Variants in TSHZ2 observed in about 807,000 individuals in gnomAD.
The protein encoded by TSHZ2 is teashirt homolog 2.
In TSHZ2, 21 loss-of-function variants were observed where a neutral mutation model predicts 74.4. The observed-to-expected ratio is 0.28, with a 90% CI of 0.20 to 0.41. TSHZ2 has a LOEUF of 0.41. Ranked by LOEUF, TSHZ2 falls within the 10% of genes least tolerant of loss-of-function variation. The pLI is 1.00. For synonymous variants in TSHZ2, 540 were observed against 515.3 expected (o/e 1.05, Z -0.65); for missense variants, 1,244 against 1,293.5 (o/e 0.96, Z 0.59).
intron 2 of TSHZ2, among the ~76,000 whole-genome samples, chr20:53,366,831 T>C (rs978182697): frequency 1.3e-5 from 2 of 152,194 alleles, no homozygotes; most frequent in Non-Finnish European, 2.9e-5. Flanking sequence ...ATGATAGATA[T>C]CAGTATTCAG....
intron 1 of TSHZ2, among the ~76,000 whole-genome samples, chr20:53,206,043 A>G (rs980784474): frequency 6.6e-6 from 1 of 151,972 alleles, no homozygotes; most frequent in African/African-American, 2.4e-5. Flanking sequence ...AAGTGGTGAA[A>G]CCCCGTCTCT....
chr20:53,178,265 C>T (rs1419362217), intron 1 of TSHZ2: 2 of 152,266 alleles, frequency 1.3e-5, no homozygotes, highest in Non-Finnish European at 2.9e-5. Context: ...TGCTCAGACA[C>T]TCATCTGCAG....
chr20:53,301,289 T>C (rs1315907409), intron 2 of TSHZ2, among the ~76,000 whole-genome samples: 1 of 152,178 alleles, frequency 6.6e-6, no homozygotes, highest in African/African-American at 2.4e-5. Context: ...GAAAAAGAAA[T>C]ACATGTTAGT....
intron 1 of TSHZ2, among the ~76,000 whole-genome samples, chr20:52,994,325 A>AATGAATGG (rs770693296): frequency 4.5e-4 from 68 of 152,040 alleles, no homozygotes; most frequent in Non-Finnish European, 7.8e-4. Context: ...TAGACGGGTG[A>AATGAATGG]ATGAATGGAT....
rs1362340658 is a variant in TSHZ2, at chr20:53,102,397, GA to G, written c.40+129073del. ...CACATAGACCCAGTTTGAGTTTAAC[GA>G]AAAAAAAAGAAAAGAAAGAAAGGAA... is the stretch of plus-strand genomic sequence containing the variant. On this transcript the variant is annotated intron_variant, in intron 1 of 2. Coordinates refer to ENST00000371497, the MANE Select transcript of TSHZ2 (RefSeq NM_173485.6). Among the ~76,000 whole-genome samples the G allele has an allele frequency of 4.9e-5, 6 of 123,434 alleles. No homozygotes were observed. The South Asian group carries it at 7.9e-4, about 16-fold the overall frequency. The allele number at this position is 123,434 out of a possible 152,430, so 81.0% of individuals were successfully genotyped here.
chr20:53,089,779 T>C (rs1985819706), intron 1 of TSHZ2, among the ~76,000 whole-genome samples: 1 of 152,166 alleles, frequency 6.6e-6, no homozygotes, highest in South Asian at 2.1e-4. Context: ...AAAGAACCTT[T>C]CAGTCAAAGG....
intron 2 of TSHZ2, among the ~76,000 whole-genome samples, chr20:53,266,456 C>T (rs578133236): frequency 6.6e-6 from 1 of 152,284 alleles, no homozygotes; most frequent in East Asian, 1.9e-4. Context: ...CCTCCACTTA[C>T]AGGATCACTT....
chr20:53,494,786 T>C lies in TSHZ2; in HGVS notation c.*7651T>C, dbSNP rs1164446585. The C allele has an allele frequency of 2.0e-5, 3 of 151,966 alleles. No individual in the cohort carries two copies. The highest frequency in any genetic ancestry group is 4.4e-5 in the Non-Finnish European group (3 of 67,986). The allele number at this position is 151,966 out of a possible 1,614,324, so 9.4% of individuals were successfully genotyped here. A position where few individuals can be genotyped will look rare whatever the true frequency, so the allele number is the denominator to read the frequency against. On this transcript the variant is annotated 3_prime_UTR_variant, in exon 3 of 3. Coordinates refer to ENST00000371497, the MANE Select transcript of TSHZ2 (RefSeq NM_173485.6). The stretch of plus-strand genomic sequence containing the variant: ...CTGATTTCCATCAAAAAGGTTTCTA[T>C]AAGTATATTATTTACATTTTTATAC...
At chr20:53,090,991 T>A in intron 1 of TSHZ2, among the ~76,000 whole-genome samples, 1 of 152,344 alleles carries the variant, frequency 6.6e-6, no homozygotes, top group East Asian at 1.9e-4. Context: ...CATGTATGAA[T>A]GTTTATATTC....
chr20:53,099,140 T>A (rs1986143960), intron 1 of TSHZ2, among the ~76,000 whole-genome samples: 2 of 152,154 alleles, frequency 1.3e-5, no homozygotes, highest in African/African-American at 4.8e-5. Flanking sequence ...GATCTTCTAT[T>A]GACTAGGCAC....
In TSHZ2 at chr20:53,246,198, CACCCAG is replaced by C. The variant is rs1990199852; in HGVS notation, c.41-7300_41-7295del. 2.0e-5 allele frequency among the ~76,000 whole-genome samples: 3 copies of C among 152,090 alleles called. No homozygotes were observed. In the South Asian group the frequency reaches 6.2e-4, roughly 32 times the overall value. ...CTGAGATTACAGGCATGCACCACCA[CACCCAG>C]CTAATTTTTTGTATTTTTAGTAGAG... On this transcript the variant is annotated intron_variant, in intron 1 of 2. Coordinates refer to ENST00000371497, the MANE Select transcript of TSHZ2 (RefSeq NM_173485.6).
chr20:53,259,965 T>A (rs1485009364), intron 2 of TSHZ2, among the ~76,000 whole-genome samples: 2 of 152,150 alleles, frequency 1.3e-5, no homozygotes, highest in East Asian at 1.9e-4. Flanking sequence ...GCATCAACCA[T>A]TCCTTCCTCC....
At chr20:53,001,222 GT>G (rs1982413288) in intron 1 of TSHZ2, among the ~76,000 whole-genome samples, 1 of 147,268 alleles carries the variant, frequency 6.8e-6, no homozygotes, top group African/African-American at 2.5e-5. Context: ...GTGTGTGTGT[GT>G]GTGTGTGTGT....
intron 1 of TSHZ2, 102 bp from the exon 2 acceptor site, chr20:53,253,397 C>A: frequency 2.1e-6 from 3 of 1,451,794 alleles, no homozygotes; most frequent in Non-Finnish European, 9.1e-7. Flanking sequence ...TAGATTAAAT[C>A]ACCGTTCAGT....
In TSHZ2 at chr20:53,254,217, G is replaced by C. The variant is rs775598547; in HGVS notation, c.759G>C (p.Thr253=). 6 of 1,614,090 alleles carry C rather than the reference G, an allele frequency of 3.7e-6. No individual in the cohort carries two copies. Among genetic ancestry groups the C allele is most frequent in the Admixed American group, 1.7e-5 (1 of 60,018 alleles). Residue 253 remains threonine, a synonymous_variant, in exon 2 of 3, where the codon ACG becomes ACC. Transcript: ENST00000371497. ...GCAAAAAGGACAAGCTCAGACCCAC[G>C]AGCTATTCAAAGCCCAGGAAAAGGG... ...DNRKKDKLRP[T]SYSKPRKRAF...
intron 2 of TSHZ2, among the ~76,000 whole-genome samples, chr20:53,357,362 A>G (rs1040821555): frequency 3.3e-5 from 5 of 152,170 alleles, no homozygotes; most frequent in African/African-American, 7.2e-5. Context: ...CAAGTTTTCA[A>G]TTGCATTTAA....
chr20:53,101,614 C>T (rs1443818243), intron 1 of TSHZ2, among the ~76,000 whole-genome samples: 1 of 152,220 alleles, frequency 6.6e-6, no homozygotes, highest in African/African-American at 2.4e-5. Context: ...CCTGGGTTCT[C>T]TAGCACATCT....
At chr20:53,123,060 C>T (rs572741059) in intron 1 of TSHZ2, among the ~76,000 whole-genome samples, 3 of 152,288 alleles carry the variant, frequency 2.0e-5, no homozygotes, top group South Asian at 4.1e-4. Flanking sequence ...AGACAAAACA[C>T]GGATTAAATC....
chr20:53,341,240 C>A (rs1010581698), intron 2 of TSHZ2, among the ~76,000 whole-genome samples: 2 of 152,140 alleles, frequency 1.3e-5, no homozygotes, highest in African/African-American at 4.8e-5. Flanking sequence ...CACCTCCGAT[C>A]GCCAGCCTTC....
Sources: gnomAD v4.1 joint callset for allele counts (sites outside exome capture counted in the v4.1 genomes callset) on GRCh38, gnomAD v4.1.1 for gene constraint, MANE v1.5 for transcripts, NCBI Gene and HGNC (gene_info 2026-07-23, HGNC 2026-07-21) for gene names.